Variants in LHCGR observed in about 807,000 individuals in gnomAD.
LHCGR encodes the protein luteinizing hormone/choriogonadotropin receptor.
Under a neutral mutation model 60.7 loss-of-function variants are expected in LHCGR, and 55 were observed. That is an observed-to-expected ratio of 0.91 (90% CI 0.73 to 1.13). The LOEUF (loss-of-function observed/expected upper bound fraction) is 1.13, where lower values mean the gene tolerates loss of function less well. Ranked by LOEUF, LHCGR falls within the 50% of genes most tolerant of loss-of-function variation. The pLI, the probability that LHCGR is intolerant of heterozygous loss-of-function variation, is 0.00. For missense variants in LHCGR, 862 were observed against 836.0 expected (o/e 1.03, Z -0.38); for synonymous variants, 337 against 316.5 (o/e 1.06, Z -0.69).
chr2:48,712,725 A>G (rs1668054878), intron 7 of LHCGR, among the ~76,000 whole-genome samples: 1 of 151,482 alleles, frequency 6.6e-6, no homozygotes, highest in Admixed American at 6.6e-5. Flanking sequence ...CACCTACTCT[A>G]TGCCAGGCAC....
chr2:48,717,321 G>A (rs1668294514), intron 6 of LHCGR, among the ~76,000 whole-genome samples: 1 of 152,160 alleles, frequency 6.6e-6, no homozygotes, highest in South Asian at 2.1e-4. Flanking sequence ...TTGTGGTTAA[G>A]TCTGCAGGCA....
At position 48,686,941 on chromosome 2, in the gene LHCGR, T is replaced by G. The variant is rs1055195352; in HGVS notation, c.*756A>C. 3.9e-5 allele frequency: 6 copies of G among 152,200 alleles called. No homozygotes were observed. The highest frequency in any genetic ancestry group is 5.9e-5 in the Non-Finnish European group (4 of 68,016). 9.4% of individuals were successfully genotyped at this position (152,200 alleles called of 1,614,324 possible). On this transcript the variant is annotated 3_prime_UTR_variant, in exon 11 of 11. Coordinates refer to ENST00000294954, the MANE Select transcript of LHCGR (RefSeq NM_000233.4). ...TAGGAAGCAGGAAAACAAAATGCAC[T>G]GAGACAGGGTTCCTACTCACGAGGA...
At chr2:48,702,798 C>T (rs144621786) in intron 8 of LHCGR, among the ~76,000 whole-genome samples, 1,795 of 152,244 alleles carry the variant, frequency 0.012, 23 homozygotes, top group Non-Finnish European at 0.017. Context: ...GTAATGGGAT[C>T]GCTCGGTCAA....
At chr2:48,690,079 CT>C (rs2104363795) in intron 10 of LHCGR, among the ~76,000 whole-genome samples, 1 of 152,290 alleles carries the variant, frequency 6.6e-6, no homozygotes, top group South Asian at 2.1e-4. Context: ...AATTTTAGCT[CT>C]CTCCCTAGTC....
chr2:48,745,527 T>C (rs1669660218), intron 1 of LHCGR, among the ~76,000 whole-genome samples: 2 of 152,110 alleles, frequency 1.3e-5, no homozygotes, highest in Admixed American at 1.3e-4. Flanking sequence ...TAAAAAATAA[T>C]GAGTTCACGT....
intron 1 of LHCGR, among the ~76,000 whole-genome samples, chr2:48,745,605 C>G (rs1327228585): frequency 6.8e-6 from 1 of 148,128 alleles, no homozygotes; most frequent in Non-Finnish European, 1.5e-5. Flanking sequence ...AACAAAAAAC[C>G]AAACACCGCA....
At position 48,743,006 on chromosome 2, in the gene LHCGR, G is replaced by A. The variant is rs184141208; in HGVS notation, c.162-11708C>T. Among the ~76,000 whole-genome samples, 547 of 151,980 alleles carry A rather than the reference G, an allele frequency of 3.6e-3. 2 individuals carry two copies. Among genetic ancestry groups the A allele is most frequent in the African/African-American group, 0.013 (525 of 41,468 alleles). On this transcript the variant is annotated intron_variant, in intron 1 of 10. Coordinates refer to ENST00000294954, the MANE Select transcript of LHCGR (RefSeq NM_000233.4). ...ATAGATGCAATAAAAAATGATAAAG[G>A]GGATATCACCACCGATCCCACAGAA...
At chr2:48,707,467 G>T (rs555487596) in intron 8 of LHCGR, among the ~76,000 whole-genome samples, 2 of 152,242 alleles carry the variant, frequency 1.3e-5, no homozygotes, top group Non-Finnish European at 2.9e-5. Flanking sequence ...AGGCAGGGAC[G>T]TTTAAGTCTG....
intron 9 of LHCGR, among the ~76,000 whole-genome samples, chr2:48,695,792 C>G (rs552655901): frequency 6.6e-6 from 1 of 152,230 alleles, no homozygotes; most frequent in East Asian, 1.9e-4. Flanking sequence ...GATTAAAAAA[C>G]CAAATACTGC....
At chr2:48,728,531 T>C (rs1041996001) in intron 3 of LHCGR, among the ~76,000 whole-genome samples, 49 of 152,276 alleles carry the variant, frequency 3.2e-4, no homozygotes, top group African/African-American at 1.2e-3. Context: ...ACTTGCGGTG[T>C]GATGTCAGGC....
At chr2:48,726,694 G>A (rs1169706051) in intron 3 of LHCGR, among the ~76,000 whole-genome samples, 1 of 152,218 alleles carries the variant, frequency 6.6e-6, no homozygotes, top group Admixed American at 6.5e-5. Context: ...ATGGGCTCTG[G>A]AGTCAACTTG....
chr2:48,687,663 G>A lies in LHCGR; in HGVS notation c.*34C>T. 1 of 1,554,382 alleles carries A rather than the reference G, an allele frequency of 6.4e-7. No homozygotes were observed. The highest frequency in any genetic ancestry group is 8.9e-7 in the Non-Finnish European group (1 of 1,126,176). ...AGGTAATTTTTTTTTACAGGTTTAA[G>A]AACAATTCAATAATGCAGTTACTGA... On this transcript the variant is annotated 3_prime_UTR_variant, in exon 11 of 11. Transcript: ENST00000294954.
intron 10 of LHCGR, among the ~76,000 whole-genome samples, chr2:48,693,758 C>G (rs1666976175): frequency 6.6e-6 from 1 of 152,148 alleles, no homozygotes; most frequent in Non-Finnish European, 1.5e-5. Flanking sequence ...TATGTGGTAG[C>G]GATAGCATTA....
intron 1 of LHCGR, among the ~76,000 whole-genome samples, chr2:48,745,376 G>C (rs932140915): frequency 6.6e-6 from 1 of 152,084 alleles, no homozygotes; most frequent in African/African-American, 2.4e-5. Context: ...AAATCATGCC[G>C]CTATAAAGAC....
intron 1 of LHCGR, among the ~76,000 whole-genome samples, chr2:48,746,582 C>G (rs551999693): frequency 1.1e-4 from 17 of 152,266 alleles, no homozygotes; most frequent in African/African-American, 3.9e-4. Flanking sequence ...CCGCAGCACC[C>G]AAGATGGTGT....
intron 7 of LHCGR, among the ~76,000 whole-genome samples, chr2:48,709,225 C>G (rs1468515318): frequency 6.6e-6 from 1 of 152,172 alleles, no homozygotes; most frequent in East Asian, 1.9e-4. Context: ...GTTGGCCACA[C>G]CTTTTTTCTT....
chr2:48,746,089 A>G (rs1226514064), intron 1 of LHCGR, among the ~76,000 whole-genome samples: 1 of 152,196 alleles, frequency 6.6e-6, no homozygotes, highest in Non-Finnish European at 1.5e-5. Flanking sequence ...CTAATATAGC[A>G]TGCAGTACAA....
chr2:48,739,425 A>C (rs1014894944), intron 1 of LHCGR, among the ~76,000 whole-genome samples: 4 of 152,178 alleles, frequency 2.6e-5, no homozygotes, highest in Non-Finnish European at 4.4e-5. Flanking sequence ...ATGTCCAACA[A>C]TGATAGACTG....
At chr2:48,746,440 A>T (rs548366105) in intron 1 of LHCGR, among the ~76,000 whole-genome samples, 2 of 152,224 alleles carry the variant, frequency 1.3e-5, no homozygotes, top group African/African-American at 4.8e-5. Context: ...ACAACCTTCA[A>T]TTAAATATTT....
Sources: allele counts gnomAD v4.1 joint callset (sites outside exome capture counted in the v4.1 genomes callset), GRCh38; gene constraint gnomAD v4.1.1; transcripts MANE v1.5; gene names NCBI Gene and HGNC (gene_info 2026-07-23, HGNC 2026-07-21).